NELFA: variants seen among roughly 807,000 people sequenced by gnomAD.
NELFA encodes the protein negative elongation factor A.
NELFA carries 35 observed loss-of-function variants against 51.8 expected under a neutral mutation model. The observed-to-expected ratio is 0.68, with a 90% confidence interval of 0.52 to 0.90. The LOEUF is 0.90. Among genes scored for constraint, NELFA ranks in the 40% least tolerant of loss-of-function variants. The pLI is 0.00. For synonymous variants in NELFA, 417 were observed against 338.4 expected, an observed-to-expected ratio of 1.23 and a Z score of -2.55; for missense variants, 658 against 746.4, an observed-to-expected ratio of 0.88 and a Z score of 1.38.
In NELFA at chr4:2,008,825, G is replaced by A. The variant is rs138637054; in HGVS notation, c.135C>T (p.Phe45=). The A allele has an allele frequency of 6.2e-7, 1 of 1,611,516 alleles. No homozygotes were observed. Among genetic ancestry groups the A allele is most frequent in the East Asian group, 2.2e-5 (1 of 44,754 alleles). The change falls in exon 1 of 11, where the codon TTC becomes TTT. Residue 45 remains phenylalanine (F), a synonymous_variant. Coordinates refer to ENST00000382882, the MANE Select transcript of NELFA (RefSeq NM_005663.5). ...GCTTCACTGCCGACGAGAGGCCATG[G>A]AAGCAGAGACGGATGTTGTCGATGA... ...AAVIDNIRLC[F]HGLSSAVKLK... is the part of the protein sequence containing the mutation.
chr4:1,990,850 G>A (rs143050244), intron 2 of NELFA, among the ~76,000 whole-genome samples: 31 of 152,362 alleles, frequency 2.0e-4, no homozygotes, highest in African/African-American at 7.2e-4. Flanking sequence ...ACCCAGGCTG[G>A]AGTGCAGTGG....
At chr4:2,000,130 G>A (rs554086000) in intron 1 of NELFA, among the ~76,000 whole-genome samples, 1 of 152,160 alleles carries the variant, frequency 6.6e-6, no homozygotes, top group Non-Finnish European at 1.5e-5. Flanking sequence ...GCAGTGTTAA[G>A]AGGGAAATTT....
At chr4:1,993,690 A>G (rs1728345015) in intron 1 of NELFA, among the ~76,000 whole-genome samples, 2 of 152,080 alleles carry the variant, frequency 1.3e-5, no homozygotes, top group African/African-American at 4.8e-5. Context: ...GTGGGAATCC[A>G]AGATCAATTA....
intron 2 of NELFA, chr4:1,990,086 T>A (rs1169191088): frequency 1.7e-6 from 1 of 586,948 alleles, no homozygotes; most frequent in Non-Finnish European, 3.0e-6. Context: ...CGGGCATGCC[T>A]TGAGAGGGCT....
chr4:1,984,998 TCCACTG>T, intron 7 of NELFA, 79 bp from the exon 8 acceptor site: 1 of 1,045,318 alleles, frequency 9.6e-7, no homozygotes, highest in Non-Finnish European at 1.4e-6. Flanking sequence ...GACCCGGAGC[TCCACTG>T]CCACAGGCTG....
chr4:1,985,910 A>G (rs1377615148), intron 6 of NELFA, 46 bp from the exon 7 acceptor site: 3 of 1,524,488 alleles, frequency 2.0e-6, no homozygotes, highest in Non-Finnish European at 1.8e-6. Flanking sequence ...GCGCGTCTGC[A>G]GTGTCAGCTC....
intron 1 of NELFA, among the ~76,000 whole-genome samples, chr4:2,006,357 C>A (rs530590275): frequency 6.6e-6 from 1 of 152,300 alleles, no homozygotes; most frequent in East Asian, 1.9e-4. Flanking sequence ...ACAGCTACGC[C>A]AAGATAACCC....
intron 1 of NELFA, among the ~76,000 whole-genome samples, chr4:2,002,062 T>C (rs937950217): frequency 2.0e-5 from 3 of 151,582 alleles, no homozygotes; most frequent in Non-Finnish European, 4.4e-5. Context: ...TAGCCAGGCA[T>C]GGTGGCGGGC....
At chr4:2,005,285 G>A (rs1217075622) in intron 1 of NELFA, among the ~76,000 whole-genome samples, 2 of 152,120 alleles carry the variant, frequency 1.3e-5, no homozygotes, top group East Asian at 3.9e-4. Flanking sequence ...ATGAGCTGGA[G>A]GGTCCTAGCC....
intron 1 of NELFA, chr4:1,991,945 C>CCCTCCCAGCAGCCTCCCA (rs1728283667): frequency 8.5e-6 from 4 of 470,124 alleles, no homozygotes; most frequent in Non-Finnish European, 1.5e-5. Flanking sequence ...GCATCCGGTG[C>CCCTCCCAGCAGCCTCCCA]CCTCCCAGCA....
rs57055347 is a variant in NELFA, at chr4:2,006,768, C to CAAAAA, written c.210+1977_210+1981dup. On this transcript the variant is annotated intron_variant, in intron 1 of 10. Coordinates refer to ENST00000382882, the MANE Select transcript of NELFA (RefSeq NM_005663.5). ...TGGGTGACAGAGTGAGACGCTGTCT[C>CAAAAA]AAAAAAAAAAAAAAAAAAAAAAAAA... 2.6e-4 allele frequency among the ~76,000 whole-genome samples: 21 copies of CAAAAA among 79,806 alleles called. 2 individuals carry two copies. Among genetic ancestry groups the CAAAAA allele is most frequent in the African/African-American group, 1.0e-3 (20 of 19,710 alleles). 52.4% of individuals were successfully genotyped at this position (79,806 alleles called of 152,430 possible).
intron 1 of NELFA, 38 bp from the exon 2 acceptor site, chr4:1,991,753 G>T (rs746320713): frequency 1.3e-6 from 2 of 1,550,580 alleles, no homozygotes; most frequent in Non-Finnish European, 1.7e-6. Flanking sequence ...CCATGCCCCT[G>T]CCCACTTCCA....
rs776198303 is a variant in NELFA, at chr4:2,008,732, G to T, written c.210+18C>A. The T allele has an allele frequency of 4.1e-5, 66 of 1,590,394 alleles. No individual in the cohort carries two copies. Among genetic ancestry groups the T allele is most frequent in the African/African-American group, 4.0e-5 (3 of 74,672 alleles). On this transcript the variant is annotated intron_variant, in intron 1 of 10. Coordinates refer to ENST00000382882, the MANE Select transcript of NELFA (RefSeq NM_005663.5). ...AGGTTGGGAATCTGGGGGCCGCGGG[G>T]CGCCACGCCTGCCTTACCTCGTCCA...
intron 1 of NELFA, among the ~76,000 whole-genome samples, chr4:1,996,682 A>C (rs1728431190): frequency 6.6e-6 from 1 of 152,254 alleles, no homozygotes; most frequent in Non-Finnish European, 1.5e-5. Context: ...CTGTAATCCC[A>C]GCAATTTGGT....
chr4:1,984,743 C>A (rs1473111999), intron 8 of NELFA, 65 bp downstream of exon 8: 11 of 1,209,066 alleles, frequency 9.1e-6, no homozygotes, highest in African/African-American at 6.0e-5. Context: ...CTGGCAGCGC[C>A]CGTGGGCAAG....
chr4:2,002,154 C>A (rs531664646), intron 1 of NELFA, among the ~76,000 whole-genome samples: 12 of 151,838 alleles, frequency 7.9e-5, no homozygotes, highest in African/African-American at 2.4e-4. Flanking sequence ...GAGCCAAGAT[C>A]GCGCCACTGC....
chr4:1,988,590 T>A (rs1728182678), intron 3 of NELFA, among the ~76,000 whole-genome samples: 1 of 152,224 alleles, frequency 6.6e-6, no homozygotes, highest in South Asian at 2.1e-4. Flanking sequence ...CCCTGGCTGC[T>A]GCCCGTTCCA....
chr4:1,989,581 C>T lies in NELFA; in HGVS notation c.544+127G>A. ...CGACCCACCTGCCCCAGCCTCCCAA[C>T]AGGTGTGAGCCACCATGCCTGGCCC... On this transcript the variant is annotated intron_variant, in intron 3 of 10. Transcript: ENST00000382882. The surrounding 1 kb of genome is among the most constrained non-coding windows in gnomAD (Gnocchi z 4.8). The T allele has an allele frequency of 9.6e-7, 1 of 1,040,656 alleles. No homozygotes were observed. Among genetic ancestry groups the T allele is most frequent in the African/African-American group, 1.6e-5 (1 of 62,568 alleles). 64.5% of individuals were successfully genotyped at this position (1,040,656 alleles called of 1,614,324 possible).
intron 1 of NELFA, 80 bp downstream of exon 1, chr4:2,008,670 G>A (rs114311037): frequency 0.061 from 90,764 of 1,499,792 alleles, 3,066 homozygotes; most frequent in Middle Eastern, 0.07. Context: ...AGGGAGCGAG[G>A]AGGGTCCGGA....
Sources: gnomAD v4.1 joint callset for allele counts (sites outside exome capture counted in the v4.1 genomes callset) on GRCh38, gnomAD v4.1.1 for gene constraint, Gnocchi (gnomAD v3.1) non-coding constraint, MANE v1.5 for transcripts, NCBI Gene and HGNC (gene_info 2026-07-23, HGNC 2026-07-21) for gene names.